The following TBC1D2 variants were observed in gnomAD, a reference collection of about 807,000 sequenced individuals.
TBC1D2 encodes TBC1 domain family member 2A.
A neutral mutation model predicts 91.1 loss-of-function variants in TBC1D2; 58 were observed. The observed-to-expected ratio is 0.64, with a 90% CI of 0.52 to 0.79. The LOEUF (loss-of-function observed/expected upper bound fraction) is 0.79, where lower values mean the gene tolerates loss of function less well. Among genes scored for constraint, TBC1D2 ranks in the 30% least tolerant of loss-of-function variants. The pLI, the probability that TBC1D2 is intolerant of heterozygous loss-of-function variation, is 0.00. For missense variants in TBC1D2, 1,080 were observed against 1,208.3 expected (o/e 0.89, Z 1.57); for synonymous variants, 482 against 511.5 (o/e 0.94, Z 0.78).
At chr9:98,199,892 AAGAT>A (rs1365975226) in intron 12 of TBC1D2, among the ~76,000 whole-genome samples, 1 of 152,206 alleles carries the variant, frequency 6.6e-6, no homozygotes, top group Non-Finnish European at 1.5e-5. Context: ...CCAGGCAAAG[AAGAT>A]AGTGGTGGTG....
intron 10 of TBC1D2, 48 bp downstream of exon 10, chr9:98,203,240 G>A: frequency 6.2e-7 from 1 of 1,609,186 alleles, no homozygotes; most frequent in Non-Finnish European, 8.5e-7. Context: ...GAACAGCTCT[G>A]GGGCACTGCC....
At chr9:98,201,159 C>T (rs1828487296) in intron 11 of TBC1D2, among the ~76,000 whole-genome samples, 1 of 152,120 alleles carries the variant, frequency 6.6e-6, no homozygotes, top group Non-Finnish European at 1.5e-5. Context: ...GAGCTCCGAT[C>T]TCTTAATCCA....
rs569527294 is a variant in TBC1D2, at chr9:98,228,247, G to A, written c.978+705C>T. ...TTTATCACTCTAAAGAGGGGCTCCC[G>A]CCCGGAGCTGCAGCCCTCTCACATC... On this transcript the variant is annotated intron_variant, in intron 5 of 12. Transcript: ENST00000465784. This position sits in a 1 kb window ranked among gnomAD's most constrained non-coding sequence, Gnocchi z 4.0. Among the ~76,000 whole-genome samples, 3 of 152,320 alleles carry A rather than the reference G, an allele frequency of 2.0e-5. No homozygotes were observed. Among genetic ancestry groups the A allele is most frequent in the East Asian group, 1.9e-4 (1 of 5,182 alleles).
chr9:98,253,426 C>A (rs994653958), intron 1 of TBC1D2, among the ~76,000 whole-genome samples: 2 of 152,188 alleles, frequency 1.3e-5, no homozygotes, highest in Non-Finnish European at 2.9e-5. Context: ...TGATGGGCTC[C>A]CTGAGTACCA....
chr9:98,232,450 G>A (rs1829395923), intron 4 of TBC1D2, among the ~76,000 whole-genome samples: 1 of 149,702 alleles, frequency 6.7e-6, no homozygotes, highest in Non-Finnish European at 1.5e-5. Flanking sequence ...ATCCCAAGTA[G>A]CTGGGACTAC....
intron 3 of TBC1D2, 112 bp from the exon 4 acceptor site, chr9:98,233,661 C>T (rs1041406598): frequency 2.7e-6 from 4 of 1,493,508 alleles, no homozygotes; most frequent in Non-Finnish European, 3.6e-6. Flanking sequence ...CCCTGTCATC[C>T]TGACTGGTCT....
At chr9:98,216,373 G>A (rs938553357) in intron 6 of TBC1D2, among the ~76,000 whole-genome samples, 1 of 150,424 alleles carries the variant, frequency 6.6e-6, no homozygotes, top group Non-Finnish European at 1.5e-5. Context: ...AATACAACAA[G>A]CCCCCCCGCA....
intron 3 of TBC1D2, among the ~76,000 whole-genome samples, chr9:98,238,049 A>C (rs187964349): frequency 0.13 from 17,887 of 136,760 alleles, 3,300 homozygotes; most frequent in African/African-American, 0.45. Flanking sequence ...GATTACAGGA[A>C]TGTGCTACCA....
rs761508384 is a variant in TBC1D2, at chr9:98,211,317, G to A, written c.1486-474C>T. Among the ~76,000 whole-genome samples, 11 of 152,270 alleles carry A rather than the reference G, an allele frequency of 7.2e-5. No individual in the cohort carries two copies. In the South Asian group the frequency reaches 8.3e-4, roughly 11 times the overall value. On this transcript the variant is annotated intron_variant, in intron 7 of 12. Transcript: ENST00000465784. ...AGCAAGCTCTGCAGGTGGTATGACTGAACAGCGCCCAGGGGATGGACACTG... is the reference window on the plus strand; with the variant it reads ...AGCAAGCTCTGCAGGTGGTATGACTAAACAGCGCCCAGGGGATGGACACTG...
chr9:98,209,150 A>C lies in TBC1D2; in HGVS notation c.1674-6T>G. The C allele has an allele frequency of 1.2e-6, 2 of 1,604,430 alleles. No homozygotes were observed. Among genetic ancestry groups the C allele is most frequent in the East Asian group, 4.5e-5 (2 of 44,562 alleles). ...AGCCGTACTCATCATACTTACTGCCAGCAAAAGTGCACGTTAGCAACACCT... is the reference window on the plus strand; with the variant it reads ...AGCCGTACTCATCATACTTACTGCCCGCAAAAGTGCACGTTAGCAACACCT... On this transcript the variant is annotated splice_polypyrimidine_tract_variant and splice_region_variant and intron_variant, in intron 8 of 12. Transcript: ENST00000465784.
At chr9:98,222,999 C>T (rs1316301970) in intron 5 of TBC1D2, among the ~76,000 whole-genome samples, 4 of 152,232 alleles carry the variant, frequency 2.6e-5, no homozygotes, top group Non-Finnish European at 4.4e-5. Context: ...AAGCACCACT[C>T]GGTGCCAGGC....
At chr9:98,229,475 T>A (rs1370400794) in intron 4 of TBC1D2, among the ~76,000 whole-genome samples, 1 of 152,234 alleles carries the variant, frequency 6.6e-6, no homozygotes, top group Non-Finnish European at 1.5e-5. Flanking sequence ...GTCTATCTCA[T>A]GCCACCCTGC....
At position 98,209,118 on chromosome 9, in the gene TBC1D2, G is replaced by T. The variant is rs549369882; in HGVS notation, c.1700C>A (p.Thr567Lys). Residue 567 changes from threonine to lysine, a missense_variant, in exon 9 of 13, where the codon ACG becomes AAG. By Grantham distance (78) the Thr-to-Lys change is moderately conservative (BLOSUM62 -1). Coordinates refer to ENST00000465784, the MANE Select transcript of TBC1D2 (RefSeq NM_001267571.2). ...GTCTTCCACCTCATAGTCGGGCACCGTCAGGAAGCCGTACTCATCATACTT... is the reference window on the plus strand; with the variant it reads ...GTCTTCCACCTCATAGTCGGGCACCTTCAGGAAGCCGTACTCATCATACTT... Reference protein sequence around the residue: ...ISKYDEYGFLTVPDYEVEDLK... With the variant: ...ISKYDEYGFLKVPDYEVEDLK... 1 of 1,613,914 alleles carries T rather than the reference G, an allele frequency of 6.2e-7. No homozygotes were observed. Among genetic ancestry groups the T allele is most frequent in the Non-Finnish European group, 8.5e-7 (1 of 1,179,864 alleles).
At chr9:98,220,735 C>A in intron 6 of TBC1D2, 98 bp downstream of exon 6, 1 of 1,472,394 alleles carries the variant, frequency 6.8e-7, no homozygotes, top group Non-Finnish European at 9.2e-7. Context: ...GGTATCCCCA[C>A]TCCACCTAGC....
intron 7 of TBC1D2, 41 bp downstream of exon 7, chr9:98,213,067 G>T: frequency 2.5e-6 from 4 of 1,608,306 alleles, no homozygotes; most frequent in Non-Finnish European, 3.4e-6. Flanking sequence ...CAGCAGAGGG[G>T]CCAGGGATGG....
At chr9:98,255,022 G>A in intron 1 of TBC1D2, 151 bp downstream of exon 1, 1 of 1,303,084 alleles carries the variant, frequency 7.7e-7, no homozygotes, top group Non-Finnish European at 1.0e-6. Context: ...GGAAATGGGT[G>A]GGAATGCACT....
chr9:98,251,748 C>T (rs766293059), intron 2 of TBC1D2, 37 bp downstream of exon 2: 2 of 1,536,514 alleles, frequency 1.3e-6, no homozygotes, highest in Admixed American at 4.5e-5. Flanking sequence ...TCACCAGAGC[C>T]CTGGGTGTGC....
At chr9:98,203,716 G>C (rs768601109) in intron 9 of TBC1D2, among the ~76,000 whole-genome samples, 1 of 152,096 alleles carries the variant, frequency 6.6e-6, no homozygotes, top group Non-Finnish European at 1.5e-5. Flanking sequence ...CTGAACCCCT[G>C]TAAGCCTCAG....
chr9:98,225,203 C>T (rs201818351), intron 5 of TBC1D2, among the ~76,000 whole-genome samples: 1 of 152,368 alleles, frequency 6.6e-6, no homozygotes, highest in African/African-American at 2.4e-5. Context: ...CCACAGACAA[C>T]AGCCTTCCAT....
Sources: allele counts gnomAD v4.1 joint callset (sites outside exome capture counted in the v4.1 genomes callset), GRCh38; gene constraint gnomAD v4.1.1; non-coding constraint Gnocchi (gnomAD v3.1); transcripts MANE v1.5; gene names NCBI Gene and HGNC (gene_info 2026-07-23, HGNC 2026-07-21).